SLC9A7: variants seen among roughly 807,000 people sequenced by gnomAD.
SLC9A7 encodes the protein sodium/hydrogen exchanger 7.
In SLC9A7, 19 loss-of-function variants were observed where a neutral mutation model predicts 52.6. That is an observed-to-expected ratio of 0.36 (90% CI 0.25 to 0.53). SLC9A7 has a LOEUF of 0.53. Among genes scored for constraint, SLC9A7 ranks in the 20% least tolerant of loss-of-function variants. The pLI, the probability that SLC9A7 is intolerant of heterozygous loss-of-function variation, is 0.91. For missense variants in SLC9A7, 455 were observed against 597.9 expected (o/e 0.76, Z 2.49); for synonymous variants, 226 against 252.1 (o/e 0.90, Z 0.98).
At chrX:46,675,313 C>T (rs886414491) in intron 3 of SLC9A7, among the ~76,000 whole-genome samples, 2 of 111,235 alleles carry the variant, frequency 1.8e-5, no homozygotes, top group African/African-American at 3.3e-5. Flanking sequence ...TTATACCATC[C>T]GTTAAATGGT....
Position 46,735,444 on chromosome X carries a change from T to C in SLC9A7, c.325+23261A>G, listed in dbSNP as rs1945105859. On this transcript the variant is annotated intron_variant, in intron 1 of 16. Transcript: ENST00000616978. ...TTCCATCTTTGTGCCATTGTTGTCA[T>C]ACATTTCACTTTTACATATGCTATA... 4.5e-5 allele frequency among the ~76,000 whole-genome samples: 5 copies of C among 112,058 alleles called. No individual in the cohort carries two copies. The Admixed American group carries it at 4.8e-4, about 11-fold the overall frequency.
intron 3 of SLC9A7, among the ~76,000 whole-genome samples, chrX:46,673,403 T>C (rs138444944): frequency 0.011 from 1,249 of 111,276 alleles, 17 homozygotes; most frequent in African/African-American, 0.039. Context: ...TGTTTTACCA[T>C]GTTGTCTTGG....
chrX:46,607,642 C>T (rs892273012), intron 16 of SLC9A7, among the ~76,000 whole-genome samples: 12 of 111,249 alleles, frequency 1.1e-4, no homozygotes, highest in African/African-American at 3.3e-4. Context: ...TGGAACTACT[C>T]TTTGTCATAG....
intron 1 of SLC9A7, among the ~76,000 whole-genome samples, chrX:46,746,273 A>C (rs1921763612): frequency 4.5e-5 from 5 of 110,820 alleles, no homozygotes; most frequent in Admixed American, 1.9e-4. Context: ...AGGTTGCAGT[A>C]AGCAGAGATG....
At chrX:46,718,158 C>G (rs1944800839) in intron 1 of SLC9A7, among the ~76,000 whole-genome samples, 1 of 111,729 alleles carries the variant, frequency 9.0e-6, no homozygotes, top group Admixed American at 9.5e-5. Flanking sequence ...ACACAACCAT[C>G]TGATCTTTGA....
intron 8 of SLC9A7, 114 bp downstream of exon 8, chrX:46,653,495 G>C: frequency 2.1e-6 from 1 of 467,526 alleles, no homozygotes; most frequent in South Asian, 3.8e-5. Flanking sequence ...ACGGACACTT[G>C]CTGAACAGTT....
chrX:46,606,546 T>C lies in SLC9A7; in HGVS notation c.*406A>G. 1 of 776,142 alleles carries C rather than the reference T, an allele frequency of 1.3e-6. No homozygotes were observed. Among genetic ancestry groups the C allele is most frequent in the Non-Finnish European group, 1.5e-6 (1 of 652,904 alleles). The allele number at this position is 776,142 out of a possible 1,213,427, so 64.0% of individuals were successfully genotyped here. On this transcript the variant is annotated 3_prime_UTR_variant, in exon 17 of 17. Coordinates refer to ENST00000616978, the MANE Select transcript of SLC9A7 (RefSeq NM_001257291.2). ...ATTGCCTTCCTTCTCTTTAACTTGA[T>C]AATTCTATGGTCAGCTTGACTTGCA...
intron 5 of SLC9A7, among the ~76,000 whole-genome samples, chrX:46,663,062 G>A (rs913296011): frequency 8.9e-6 from 1 of 112,706 alleles, no homozygotes; most frequent in African/African-American, 3.2e-5. Flanking sequence ...GGTCGGGCAT[G>A]GTGGCTCATG....
intron 1 of SLC9A7, among the ~76,000 whole-genome samples, chrX:46,685,978 A>G (rs1944288714): frequency 8.9e-6 from 1 of 111,879 alleles, no homozygotes; most frequent in African/African-American, 3.3e-5. Context: ...GAGCTAATGG[A>G]AAGACTGAAG....
chrX:46,730,279 TA>T (rs1271499320), intron 1 of SLC9A7, among the ~76,000 whole-genome samples: 1 of 108,175 alleles, frequency 9.2e-6, no homozygotes, highest in Non-Finnish European at 1.9e-5. Context: ...AAATGAGAGT[TA>T]AAAATGAAAA....
Position 46,758,197 on chromosome X carries a change from A to G in SLC9A7, c.325+508T>C, listed in dbSNP as rs59856163. Among the ~76,000 whole-genome samples, 779 of 111,150 alleles carry G rather than the reference A, an allele frequency of 7.0e-3. 9 individuals carry two copies. Among genetic ancestry groups the G allele is most frequent in the African/African-American group, 0.023 (712 of 30,558 alleles). On this transcript the variant is annotated intron_variant, in intron 1 of 16. Coordinates refer to ENST00000616978, the MANE Select transcript of SLC9A7 (RefSeq NM_001257291.2). The stretch of plus-strand genomic sequence containing the variant: ...ATCATTAAGAGACCTGGGAATGTGG[A>G]CCTCAGGAGTGGGTACCCACCCAGG...
chrX:46,692,240 A>G (rs1415304331), intron 1 of SLC9A7, among the ~76,000 whole-genome samples: 2 of 111,582 alleles, frequency 1.8e-5, no homozygotes, highest in South Asian at 7.5e-4. Flanking sequence ...CACTGATTTT[A>G]TTGCTCAATT....
At chrX:46,638,518 A>G (rs1281334306) in intron 12 of SLC9A7, among the ~76,000 whole-genome samples, 1 of 112,254 alleles carries the variant, frequency 8.9e-6, no homozygotes, top group Non-Finnish European at 1.9e-5. Context: ...AGACCGACCA[A>G]AAACAGAGAA....
At chrX:46,713,937 A>G (rs1944729942) in intron 1 of SLC9A7, among the ~76,000 whole-genome samples, 1 of 109,146 alleles carries the variant, frequency 9.2e-6, no homozygotes, top group Non-Finnish European at 1.9e-5. Context: ...ATTTTTACTC[A>G]CAGTTGGTAG....
intron 14 of SLC9A7, among the ~76,000 whole-genome samples, chrX:46,626,964 T>C (rs1345070233): frequency 9.0e-6 from 1 of 111,396 alleles, no homozygotes; most frequent in Non-Finnish European, 1.9e-5. Context: ...TACAGGGCCT[T>C]TGTCATATCA....
chrX:46,758,400 C>T (rs1411530361), intron 1 of SLC9A7, among the ~76,000 whole-genome samples: 1 of 111,965 alleles, frequency 8.9e-6, no homozygotes, highest in Non-Finnish European at 1.9e-5. Context: ...TCAACTGGAG[C>T]GGGAGGTGGT....
Position 46,758,977 on chromosome X carries a change from G to T in SLC9A7, c.53C>A (p.Pro18Gln). The T allele has an allele frequency of 9.6e-7, 1 of 1,038,843 alleles. No homozygotes were observed. The highest frequency in any genetic ancestry group is 1.2e-6 in the Non-Finnish European group (1 of 817,328). 85.6% of individuals were successfully genotyped at this position (1,038,843 alleles called of 1,213,427 possible). ...RPGSGRATGA[P>Q]PPRLLLLPLL... Reference sequence around the variant, plus strand: ...CGGCAGCAGCAGCAGCCGCGGCGGCGGCGCCCCGGTAGCCCGACCCGAGCC... The same window carrying T: ...CGGCAGCAGCAGCAGCCGCGGCGGCTGCGCCCCGGTAGCCCGACCCGAGCC... Residue 18 changes from proline (P) to glutamine (Q), a missense_variant, in exon 1 of 17, where the codon CCG becomes CAG. By Grantham distance (76) the Pro-to-Gln change is moderately conservative. This residue lies in a region of SLC9A7 where 304 missense variants were observed against 417.8 expected (regional missense o/e 0.73). Coordinates refer to ENST00000616978, the MANE Select transcript of SLC9A7 (RefSeq NM_001257291.2).
At chrX:46,696,471 T>C (rs1424034577) in intron 1 of SLC9A7, among the ~76,000 whole-genome samples, 1 of 111,793 alleles carries the variant, frequency 8.9e-6, no homozygotes, top group Admixed American at 9.5e-5. Context: ...AATAAATCAA[T>C]AATTCTATCC....
intron 1 of SLC9A7, chrX:46,725,014 T>C (rs1944920024): frequency 5.2e-6 from 2 of 386,644 alleles, no homozygotes. Flanking sequence ...ATGGAAAAAA[T>C]ACAAGAGCAA....
Sources: allele counts gnomAD v4.1 joint callset (sites outside exome capture counted in the v4.1 genomes callset), GRCh38; gene constraint gnomAD v4.1.1; regional missense constraint gnomAD v4.1.1; transcripts MANE v1.5; gene names NCBI Gene and HGNC (gene_info 2026-07-23, HGNC 2026-07-21).